Variants in HOATZ observed in about 807,000 individuals in gnomAD.
The protein encoded by HOATZ is cilia- and flagella-associated protein HOATZ.
HOATZ carries 26 observed loss-of-function variants against 24.9 expected under a neutral mutation model. That is an observed-to-expected ratio of 1.04 (90% CI 0.76 to 1.45). HOATZ has a LOEUF of 1.45. Among genes scored for constraint, HOATZ ranks in the 40% most tolerant of loss-of-function variants. The pLI is 0.00. For missense variants in HOATZ, 226 were observed against 201.5 expected (o/e 1.12, Z -0.74); for synonymous variants, 83 against 76.6 (o/e 1.08, Z -0.43).
At chr11:111,529,321 G>T (rs954428934) in intron 3 of HOATZ, among the ~76,000 whole-genome samples, 2 of 151,954 alleles carry the variant, frequency 1.3e-5, no homozygotes, top group Non-Finnish European at 2.9e-5. Flanking sequence ...CAGAAGATTG[G>T]CTTGCTCATA....
chr11:111,534,250 A>G (rs1867424503), intron 4 of HOATZ, among the ~76,000 whole-genome samples, 162 bp from the exon 5 acceptor site: 2 of 152,208 alleles, frequency 1.3e-5, no homozygotes, highest in Admixed American at 1.3e-4. Context: ...AAACTCTCTA[A>G]TGTGCAACAT....
chr11:111,536,633 G>T, intron 5 of HOATZ, 137 bp from the exon 6 acceptor site: 1 of 676,092 alleles, frequency 1.5e-6, no homozygotes, highest in South Asian at 1.8e-5. Context: ...GTTTATACTT[G>T]GTTGCAAAAC....
chr11:111,516,053 C>A lies in HOATZ; in HGVS notation c.282C>A (p.Ile94=), dbSNP rs765661745. ...FHLASNKNRD[I]FAEALKIQES... is the part of the protein sequence containing the mutation. The stretch of plus-strand genomic sequence containing the variant: ...TATTCCCTCTAGAAAATAGAGACAT[C>A]TTTGCCGAAGCCCTAAAGATACAGG... Residue 94 remains isoleucine, a synonymous_variant, in exon 3 of 6, where the codon ATC becomes ATA. Transcript: ENST00000375618. 1.3e-6 allele frequency: 2 copies of A among 1,590,520 alleles called. No homozygotes were observed. The highest frequency in any genetic ancestry group is 1.7e-6 in the Non-Finnish European group (2 of 1,166,538).
chr11:111,526,925 C>T (rs531827049), intron 3 of HOATZ, among the ~76,000 whole-genome samples: 10 of 152,246 alleles, frequency 6.6e-5, no homozygotes, highest in African/African-American at 2.4e-4. Context: ...TAAGGAAAAG[C>T]TTTGATAATT....
chr11:111,534,506 TTACTGTG>T, intron 5 of HOATZ, 42 bp downstream of exon 5: 1 of 1,449,190 alleles, frequency 6.9e-7, no homozygotes, highest in Non-Finnish European at 9.7e-7. Flanking sequence ...ACCTTTCAAC[TTACTGTG>T]TAGGGAAGCA....
chr11:111,524,393 C>T (rs188828555), intron 3 of HOATZ, among the ~76,000 whole-genome samples: 2 of 152,252 alleles, frequency 1.3e-5, no homozygotes, highest in African/African-American at 4.8e-5. Context: ...AACATTATGC[C>T]AAGGTTTAAC....
intron 3 of HOATZ, among the ~76,000 whole-genome samples, chr11:111,527,677 T>C (rs144713863): frequency 2.0e-5 from 3 of 152,230 alleles, no homozygotes; most frequent in African/African-American, 7.2e-5. Context: ...TTAGAGTAGA[T>C]ATAAATTTCC....
Position 111,533,691 on chromosome 11 carries a change from GGC to G in HOATZ, c.340-53_340-52del, listed in dbSNP as rs1565254258. On this transcript the variant is annotated intron_variant, in intron 3 of 5. Transcript: ENST00000375618. ...AAATGGAAGAATTCTACCTTTCGTA[GGC>G]GTAAGTCTTTATTATTGAATCGAGA... The G allele has an allele frequency of 5.0e-6, 6 of 1,202,848 alleles. No individual in the cohort carries two copies. The African/African-American group carries it at 9.4e-5, about 19-fold the overall frequency. 74.5% of individuals were successfully genotyped at this position (1,202,848 alleles called of 1,614,324 possible). A position where few individuals can be genotyped will look rare whatever the true frequency, so the allele number is the denominator to read the frequency against.
At chr11:111,518,920 C>G (rs1005306232) in intron 3 of HOATZ, 1 of 421,284 alleles carries the variant, frequency 2.4e-6, no homozygotes, top group Non-Finnish European at 4.8e-6. Flanking sequence ...TGTGCTCCCA[C>G]GGCAAGCCAC....
intron 5 of HOATZ, 116 bp from the exon 6 acceptor site, chr11:111,536,654 G>T (rs1044513166): frequency 2.3e-5 from 18 of 795,822 alleles, no homozygotes; most frequent in Non-Finnish European, 3.5e-5. Flanking sequence ...CCAACACATA[G>T]AATCTACAAC....
chr11:111,518,556 G>T (rs1867233733), intron 3 of HOATZ, among the ~76,000 whole-genome samples: 1 of 152,134 alleles, frequency 6.6e-6, no homozygotes, highest in Admixed American at 6.5e-5. Flanking sequence ...ATTTTCCAAA[G>T]TCCCCACAAC....
chr11:111,526,393 G>C (rs943462461), intron 3 of HOATZ, among the ~76,000 whole-genome samples: 4 of 152,200 alleles, frequency 2.6e-5, no homozygotes, highest in African/African-American at 9.6e-5. Context: ...GAGGTGATGC[G>C]ATGTGAATTA....
Position 111,520,263 on chromosome 11 carries a change from T to G in HOATZ, c.339+4153T>G, listed in dbSNP as rs138218043. 5.9e-5 allele frequency among the ~76,000 whole-genome samples: 9 copies of G among 152,278 alleles called. No individual in the cohort carries two copies. The East Asian group carries it at 1.7e-3, about 29-fold the overall frequency. ...GCCTTTAAGAAAGCTCTTCAGCTGA[T>G]TATCCCTTTATGAAAAGAATTATAA... On this transcript the variant is annotated intron_variant, in intron 3 of 5. Coordinates refer to ENST00000375618, the MANE Select transcript of HOATZ (RefSeq NM_001100388.2).
chr11:111,525,170 A>G (rs966861967), intron 3 of HOATZ, among the ~76,000 whole-genome samples: 22 of 152,198 alleles, frequency 1.4e-4, no homozygotes, highest in Admixed American at 1.1e-3. Flanking sequence ...CACACAGGAC[A>G]GGAAAATGTG....
At chr11:111,531,996 C>G (rs1867398979) in intron 3 of HOATZ, among the ~76,000 whole-genome samples, 2 of 152,204 alleles carry the variant, frequency 1.3e-5, no homozygotes, top group Non-Finnish European at 2.9e-5. Flanking sequence ...TAAAAGCTTT[C>G]TTCCCCATCT....
intron 3 of HOATZ, among the ~76,000 whole-genome samples, chr11:111,521,102 C>G (rs1448880395): frequency 6.6e-6 from 1 of 152,094 alleles, no homozygotes; most frequent in Non-Finnish European, 1.5e-5. Flanking sequence ...ACTTGTGGTT[C>G]CAAGAACCCA....
chr11:111,527,092 G>A (rs929392291), intron 3 of HOATZ, among the ~76,000 whole-genome samples: 3 of 152,058 alleles, frequency 2.0e-5, no homozygotes, highest in Non-Finnish European at 2.9e-5. Context: ...TTTAAAATAA[G>A]TGCCTTTTAA....
At chr11:111,516,422 T>C (rs1437865478) in intron 3 of HOATZ, among the ~76,000 whole-genome samples, 2 of 151,750 alleles carry the variant, frequency 1.3e-5, no homozygotes, top group Non-Finnish European at 2.9e-5. Context: ...AGAAATAGCA[T>C]AAGAGGCCAG....
chr11:111,533,743 C>T lies in HOATZ; in HGVS notation c.340-3C>T. 1.3e-6 allele frequency: 2 copies of T among 1,585,780 alleles called. No homozygotes were observed. The highest frequency in any genetic ancestry group is 1.7e-6 in the Non-Finnish European group (2 of 1,171,386). On this transcript the variant is annotated splice_polypyrimidine_tract_variant and splice_region_variant and intron_variant, in intron 3 of 5. Coordinates refer to ENST00000375618, the MANE Select transcript of HOATZ (RefSeq NM_001100388.2). ...ACACCCACTTTTTTCTTTCTTTAAA[C>T]AGGCTAAAACAAGAGAAGAGATTCT... is the stretch of plus-strand genomic sequence containing the variant.
Sources: gnomAD v4.1 joint callset for allele counts (sites outside exome capture counted in the v4.1 genomes callset) on GRCh38, gnomAD v4.1.1 for gene constraint, MANE v1.5 for transcripts, NCBI Gene and HGNC (gene_info 2026-07-23, HGNC 2026-07-21) for gene names.